CAST: variants seen among roughly 807,000 people sequenced by gnomAD.
CAST encodes calpastatin.
A neutral mutation model predicts 119.6 loss-of-function variants in CAST; 76 were observed. That is an observed-to-expected ratio of 0.64 (90% CI 0.53 to 0.77). The LOEUF is 0.77. CAST is among the 30% of genes least tolerant of loss of function. The probability of loss-of-function intolerance (pLI) is 0.00; values close to 1 mark genes in which losing one functional copy is unlikely to be tolerated. For synonymous variants in CAST, 319 were observed against 331.6 expected (o/e 0.96, Z 0.41); for missense variants, 953 against 946.5 (o/e 1.01, Z -0.09).
intron 1 of CAST, among the ~76,000 whole-genome samples, chr5:96,640,092 A>G (rs770256003): frequency 6.6e-6 from 1 of 152,218 alleles, no homozygotes; most frequent in Non-Finnish European, 1.5e-5. Context: ...CTCATGTGAC[A>G]TGCATGTATC....
In CAST at chr5:96,757,665, A is replaced by T; in HGVS notation, c.1833+11A>T. 6.3e-7 allele frequency: 1 copy of T among 1,578,322 alleles called. No homozygotes were observed. Among genetic ancestry groups the T allele is most frequent in the Non-Finnish European group, 8.6e-7 (1 of 1,156,630 alleles). Reference sequence around the variant, plus strand: ...AATGCTTCATCTCTTGTAAGTCCAAAACTCTTGGTTTTATTTCTTTAGTTT... The same window carrying T: ...AATGCTTCATCTCTTGTAAGTCCAATACTCTTGGTTTTATTTCTTTAGTTT... On this transcript the variant is annotated intron_variant, in intron 24 of 31. Coordinates refer to ENST00000675179, the MANE Select transcript of CAST (RefSeq NM_001750.7).
At chr5:96,589,186 T>C (rs113778992) in intron 1 of CAST, among the ~76,000 whole-genome samples, 9 of 152,230 alleles carry the variant, frequency 5.9e-5, no homozygotes, top group African/African-American at 1.9e-4. Flanking sequence ...CTTCAATTTA[T>C]GTTCAAAGGT....
At chr5:96,397,054 G>A in the CAST span, among the ~76,000 whole-genome samples, 8 of 152,326 alleles carry the variant, frequency 5.3e-5, no homozygotes, top group South Asian at 1.4e-3. Flanking sequence ...ATGGCTGGCT[G>A]CATGCAGACA....
At chr5:96,378,988 T>G in the CAST span, among the ~76,000 whole-genome samples, 3 of 152,210 alleles carry the variant, frequency 2.0e-5, no homozygotes, top group African/African-American at 7.2e-5. Context: ...TCATTTTTAG[T>G]GACCTAATAA....
intron 1 of CAST, among the ~76,000 whole-genome samples, chr5:96,650,592 T>C (rs1048779033): frequency 2.0e-5 from 3 of 152,184 alleles, no homozygotes; most frequent in African/African-American, 7.2e-5. Flanking sequence ...TGTCCTCTAA[T>C]GTGCTTCCTC....
the CAST span, among the ~76,000 whole-genome samples, chr5:96,452,423 A>G: frequency 1.3e-5 from 2 of 152,070 alleles, no homozygotes; most frequent in African/African-American, 2.4e-5. Flanking sequence ...GTTCTCACTC[A>G]TAAGTGGGAG....
chr5:96,175,506 A>G, the CAST span, among the ~76,000 whole-genome samples: 2 of 152,248 alleles, frequency 1.3e-5, no homozygotes, highest in Admixed American at 1.3e-4. Flanking sequence ...AAAATAAACT[A>G]GTAAACACAT....
At chr5:96,063,207 G>C in the CAST span, among the ~76,000 whole-genome samples, 1 of 152,170 alleles carries the variant, frequency 6.6e-6, no homozygotes, top group African/African-American at 2.4e-5. Context: ...TGGCTGGACT[G>C]CTGATGGCTG....
chr5:96,630,613 C>G (rs1012482303), intron 1 of CAST, among the ~76,000 whole-genome samples: 1 of 151,998 alleles, frequency 6.6e-6, no homozygotes, highest in East Asian at 1.9e-4. Flanking sequence ...ATGGTGAAAC[C>G]TCGTCTCTAC....
intron 9 of CAST, among the ~76,000 whole-genome samples, chr5:96,733,776 C>T (rs931904745): frequency 6.6e-6 from 1 of 152,172 alleles, no homozygotes; most frequent in African/African-American, 2.4e-5. Context: ...ACTCAAGAGG[C>T]TGAGGCAGGA....
At chr5:96,692,177 T>C (rs1019438630) in intron 2 of CAST, among the ~76,000 whole-genome samples, 1 of 152,200 alleles carries the variant, frequency 6.6e-6, no homozygotes, top group Non-Finnish European at 1.5e-5. Flanking sequence ...TTAGTGAGTA[T>C]GCAGATCTAG....
the CAST span, among the ~76,000 whole-genome samples, chr5:96,133,694 A>G: frequency 3.3e-5 from 5 of 152,190 alleles, no homozygotes; most frequent in Non-Finnish European, 5.9e-5. Flanking sequence ...CTTACCTGGA[A>G]CTGCAATGGT....
chr5:96,155,607 C>T, the CAST span, among the ~76,000 whole-genome samples: 1 of 152,140 alleles, frequency 6.6e-6, no homozygotes, highest in East Asian at 1.9e-4. Context: ...GCTCACACAG[C>T]GTCACCAGGG....
the CAST span, among the ~76,000 whole-genome samples, chr5:95,984,676 GC>G: frequency 6.6e-6 from 1 of 152,114 alleles, no homozygotes; most frequent in African/African-American, 2.4e-5. Context: ...ACAGAAGTGA[GC>G]TTCTCACCAA....
chr5:96,728,843 T>A (rs936135356), intron 6 of CAST: 6 of 247,682 alleles, frequency 2.4e-5, no homozygotes, highest in Non-Finnish European at 4.7e-5. Context: ...TCATGTGTTA[T>A]CTGTGTACAT....
At position 96,538,719 on chromosome 5, in the gene CAST, A is replaced by G. The variant is rs181528946; in HGVS notation, c.60+8839A>G. 5.9e-4 allele frequency among the ~76,000 whole-genome samples: 84 copies of G among 142,606 alleles called. 1 individual carries two copies. Among genetic ancestry groups the G allele is most frequent in the African/African-American group, 2.1e-3 (81 of 39,030 alleles). 93.6% of individuals were successfully genotyped at this position (142,606 alleles called of 152,430 possible). ...TGTAACATTGAAACACTGTCTCTTCACTCATACATAAGACCCCCCCACACA... is the reference window on the plus strand; with the variant it reads ...TGTAACATTGAAACACTGTCTCTTCGCTCATACATAAGACCCCCCCACACA... On this transcript the variant is annotated intron_variant, in intron 1 of 11. Transcript: ENST00000505143.
chr5:96,272,897 A>T, the CAST span, among the ~76,000 whole-genome samples: 1 of 152,198 alleles, frequency 6.6e-6, no homozygotes, highest in Non-Finnish European at 1.5e-5. Context: ...ATAAAAAAAT[A>T]AAGAGAATGA....
chr5:96,033,906 A>G, the CAST span, among the ~76,000 whole-genome samples: 1 of 152,188 alleles, frequency 6.6e-6, no homozygotes, highest in Non-Finnish European at 1.5e-5. Flanking sequence ...TATGTATCTG[A>G]TAAGGGGTTA....
At chr5:96,095,313 T>C in the CAST span, among the ~76,000 whole-genome samples, 16 of 151,886 alleles carry the variant, frequency 1.1e-4, no homozygotes, top group African/African-American at 3.6e-4. Context: ...TGGCCAGGTG[T>C]AGTGGCTCAC....
Sources: gnomAD v4.1 joint callset for allele counts (sites outside exome capture counted in the v4.1 genomes callset) on GRCh38, gnomAD v4.1.1 for gene constraint, MANE v1.5 for transcripts, NCBI Gene and HGNC (gene_info 2026-07-23, HGNC 2026-07-21) for gene names.